The following TXNDC9 variants were observed in gnomAD, a reference collection of about 807,000 sequenced individuals.
TXNDC9 encodes the protein thioredoxin domain-containing protein 9.
In TXNDC9, 7 loss-of-function variants were observed where a neutral mutation model predicts 23.0. The observed-to-expected ratio is 0.30, with a 90% CI of 0.17 to 0.57. The LOEUF (loss-of-function observed/expected upper bound fraction) is 0.57. Among genes scored for constraint, TXNDC9 ranks in the 20% least tolerant of loss-of-function variants. The probability of loss-of-function intolerance (pLI) is 0.90; values close to 1 mark genes in which losing one functional copy is unlikely to be tolerated. For synonymous variants in TXNDC9, 72 were observed against 90.6 expected (o/e 0.79, Z 1.17); for missense variants, 198 against 252.6 (o/e 0.78, Z 1.47).
chr2:99,323,970 C>A (rs536841366), intron 3 of TXNDC9, among the ~76,000 whole-genome samples: 1 of 151,940 alleles, frequency 6.6e-6, no homozygotes, highest in African/African-American at 2.4e-5. Context: ...CTCAGCCTCC[C>A]GAGTAGCTGG....
intron 2 of TXNDC9, chr2:99,332,767 C>A: frequency 2.5e-6 from 1 of 403,126 alleles, no homozygotes; most frequent in Non-Finnish European, 4.4e-6. Flanking sequence ...TTCAACCAAA[C>A]AAATCCAAGC....
chr2:99,316,144 TAAG>T (rs2094188659), downstream of TXNDC9, among the ~76,000 whole-genome samples: 1 of 150,288 alleles, frequency 6.7e-6, no homozygotes, highest in Non-Finnish European at 1.5e-5. Flanking sequence ...GTTTTAAACT[TAAG>T]AACACTGAAA....
chr2:99,320,128 C>T (rs1404991159), intron 4 of TXNDC9, among the ~76,000 whole-genome samples: 2 of 152,186 alleles, frequency 1.3e-5, no homozygotes, highest in African/African-American at 4.8e-5. Flanking sequence ...CCACCTCAGC[C>T]TCCCGAGTAG....
rs557762753 is a variant in TXNDC9 at position 99,319,455 on chromosome 2, T to C, written c.*227A>G. The C allele has an allele frequency of 2.4e-5, 9 of 377,758 alleles. No homozygotes were observed. The highest frequency in any genetic ancestry group is 1.7e-4 in the South Asian group (3 of 17,556). The allele number at this position is 377,758 out of a possible 1,614,324, so 23.4% of individuals were successfully genotyped here. On this transcript the variant is annotated 3_prime_UTR_variant, in exon 5 of 5. Coordinates refer to ENST00000264255, the MANE Select transcript of TXNDC9 (RefSeq NM_005783.4). ...ATTGTGATAAAGTCAATCTCAAAAATAGAGAATCCAGACCCTTCCCAGATA... is the reference window on the plus strand; with the variant it reads ...ATTGTGATAAAGTCAATCTCAAAAACAGAGAATCCAGACCCTTCCCAGATA...
At chr2:99,328,545 A>G (rs767525794) in intron 2 of TXNDC9, among the ~76,000 whole-genome samples, 1 of 152,196 alleles carries the variant, frequency 6.6e-6, no homozygotes, top group Non-Finnish European at 1.5e-5. Context: ...TAAAACATCT[A>G]TTTTCTCAGA....
intron 3 of TXNDC9, among the ~76,000 whole-genome samples, chr2:99,325,863 T>C (rs1213348319): frequency 6.6e-6 from 1 of 151,942 alleles, no homozygotes; most frequent in Non-Finnish European, 1.5e-5. Flanking sequence ...AGACAAAAGT[T>C]AGCCGGGTGT....
Position 99,319,663 on chromosome 2 carries a change from T to C in TXNDC9, c.*19A>G. ...CTGAAGCAGAAAAAAAAAGACAATT[T>C]ACAAAGAATTATTGAGCTCTAATCA... is the stretch of plus-strand genomic sequence containing the variant. On this transcript the variant is annotated 3_prime_UTR_variant, in exon 5 of 5. Coordinates refer to ENST00000264255, the MANE Select transcript of TXNDC9 (RefSeq NM_005783.4). The C allele has an allele frequency of 3.9e-6, 6 of 1,524,470 alleles. No homozygotes were observed. Among genetic ancestry groups the C allele is most frequent in the Non-Finnish European group, 5.3e-6 (6 of 1,122,368 alleles). 94.4% of individuals were successfully genotyped at this position (1,524,470 alleles called of 1,614,324 possible). A position where few individuals can be genotyped will look rare whatever the true frequency, so the allele number is the denominator to read the frequency against.
At chr2:99,317,817 C>CGCA (rs751689589), downstream of TXNDC9, among the ~76,000 whole-genome samples, 64 of 151,998 alleles carry the variant, frequency 4.2e-4, no homozygotes, top group Non-Finnish European at 7.6e-4. Context: ...CACAAGTCGC[C>CGCA]GCAGTTTAAT....
chr2:99,335,175 T>C (rs1285212576), intron 1 of TXNDC9, among the ~76,000 whole-genome samples: 2 of 152,198 alleles, frequency 1.3e-5, no homozygotes, highest in African/African-American at 4.8e-5. Context: ...TGAACTATGA[T>C]ACATTTGCAA....
intron 1 of TXNDC9, 84 bp from the exon 2 acceptor site, chr2:99,333,326 A>G (rs996535099): frequency 5.1e-6 from 6 of 1,172,886 alleles, no homozygotes; most frequent in Non-Finnish European, 7.1e-6. Flanking sequence ...AATTCTGGCA[A>G]GTGTATAATG....
chr2:99,313,195 TA>T, the TXNDC9 span, among the ~76,000 whole-genome samples: 1 of 151,480 alleles, frequency 6.6e-6, no homozygotes, highest in African/African-American at 2.4e-5. Context: ...ACAACAACAA[TA>T]AAACAAACAA....
At chr2:99,317,693 G>A (rs910626997), downstream of TXNDC9, among the ~76,000 whole-genome samples, 7 of 151,818 alleles carry the variant, frequency 4.6e-5, no homozygotes, top group Non-Finnish European at 7.4e-5. Context: ...GCCGAGGCTG[G>A]TCTTGTACTC....
intron 3 of TXNDC9, chr2:99,322,516 G>C: frequency 6.8e-7 from 1 of 1,462,200 alleles, no homozygotes; most frequent in Non-Finnish European, 9.0e-7. Flanking sequence ...CAGGAAACTT[G>C]AAGAGGAACA....
chr2:99,327,421 A>C, intron 3 of TXNDC9, 114 bp downstream of exon 3: 1 of 769,352 alleles, frequency 1.3e-6, no homozygotes, highest in Non-Finnish European at 2.2e-6. Context: ...CAATGAAACA[A>C]CTTAGGAAGT....
chr2:99,335,478 T>C (rs2094236563), intron 1 of TXNDC9, among the ~76,000 whole-genome samples: 1 of 152,198 alleles, frequency 6.6e-6, no homozygotes, highest in African/African-American at 2.4e-5. Flanking sequence ...GTTTCAAAAG[T>C]ATTTGAGTCT....
chr2:99,314,070 G>A (rs2094183185), downstream of TXNDC9, among the ~76,000 whole-genome samples: 1 of 152,056 alleles, frequency 6.6e-6, no homozygotes, highest in Non-Finnish European at 1.5e-5. Flanking sequence ...TTTGGTTTTT[G>A]GTAATGAAAA....
chr2:99,319,715 T>G lies in TXNDC9; in HGVS notation c.648A>C (p.Gly216=). The part of the protein sequence containing the change: ...FTKLEKKTIR[G]KKYDSDSDDD ...CATCAGAGTCTGAATCATATTTCTT[T>G]CCTCGGATAGTTTTCTTTTCCAGCT... The change falls in exon 5 of 5, where the codon GGA becomes GGC. Residue 216 remains glycine (G), a synonymous_variant. Coordinates refer to ENST00000264255, the MANE Select transcript of TXNDC9 (RefSeq NM_005783.4). 6.2e-7 allele frequency: 1 copy of G among 1,605,540 alleles called. No homozygotes were observed. The highest frequency in any genetic ancestry group is 8.5e-7 in the Non-Finnish European group (1 of 1,177,654).
chr2:99,306,549 G>C, the TXNDC9 span, among the ~76,000 whole-genome samples: 30 of 152,118 alleles, frequency 2.0e-4, no homozygotes, highest in East Asian at 3.9e-4. Context: ...TCTTTCAGTC[G>C]TGAAATGCAC....
the TXNDC9 span, among the ~76,000 whole-genome samples, chr2:99,310,740 G>C: frequency 9.6e-4 from 145 of 151,578 alleles, no homozygotes; most frequent in African/African-American, 3.4e-3. Flanking sequence ...AGAGGGAAGG[G>C]GCCAGGCGCT....
Sources: allele counts gnomAD v4.1 joint callset (sites outside exome capture counted in the v4.1 genomes callset), GRCh38; gene constraint gnomAD v4.1.1; transcripts MANE v1.5; gene names NCBI Gene and HGNC (gene_info 2026-07-23, HGNC 2026-07-21).